Variants in CPSF6 observed in about 807,000 individuals in gnomAD.
CPSF6 encodes the protein cleavage and polyadenylation specificity factor subunit 6.
In CPSF6, 10 loss-of-function variants were observed where a neutral mutation model predicts 56.7. The ratio of observed to expected loss-of-function variants is 0.18; its 90% confidence interval spans 0.11 to 0.30. The LOEUF (loss-of-function observed/expected upper bound fraction) is 0.30. Among genes scored for constraint, CPSF6 ranks in the 10% least tolerant of loss-of-function variants. The probability of loss-of-function intolerance (pLI) is 1.00; values close to 1 mark genes in which losing one functional copy is unlikely to be tolerated. For missense variants in CPSF6, 419 were observed against 722.9 expected, an observed-to-expected ratio of 0.58 and a Z score of 4.82; for synonymous variants, 248 against 244.8, an observed-to-expected ratio of 1.01 and a Z score of -0.12.
Position 69,271,059 on chromosome 12 carries a change from C to A in CPSF6, c.*1551C>A, listed in dbSNP as rs1873216633. 6.6e-6 allele frequency: 1 copy of A among 151,952 alleles called. No individual in the cohort carries two copies. Among genetic ancestry groups the A allele is most frequent in the East Asian group, 1.9e-4 (1 of 5,198 alleles). The allele number at this position is 151,952 out of a possible 1,614,324, so 9.4% of individuals were successfully genotyped here. A position where few individuals can be genotyped will look rare whatever the true frequency, so the allele number is the denominator to read the frequency against. On this transcript the variant is annotated 3_prime_UTR_variant, in exon 10 of 10. Transcript: ENST00000435070. ...AATTTCCACTGCTGTTCTTCACTTTCATCTTGTCTGCTATCAAACCACTTC... is the reference window on the plus strand; with the variant it reads ...AATTTCCACTGCTGTTCTTCACTTTAATCTTGTCTGCTATCAAACCACTTC...
Position 69,253,168 on chromosome 12 carries a change from TTC to T in CPSF6, c.374+16_374+17del. On this transcript the variant is annotated intron_variant, in intron 3 of 9. Transcript: ENST00000435070. ...CCAGTCAAAGGGGTAAGTTTTTTTT[TTC>T]TTTCTTTTTGATTTAGTAGCTAGTG... 1.5e-6 allele frequency: 2 copies of T among 1,375,348 alleles called. No homozygotes were observed. The highest frequency in any genetic ancestry group is 2.0e-6 in the Non-Finnish European group (2 of 987,496). The allele number at this position is 1,375,348 out of a possible 1,614,324, so 85.2% of individuals were successfully genotyped here. A position where few individuals can be genotyped will look rare whatever the true frequency, so the allele number is the denominator to read the frequency against.
At position 69,269,905 on chromosome 12, in the gene CPSF6, A is replaced by G. The variant is rs560885805; in HGVS notation, c.*397A>G. The G allele has an allele frequency of 3.6e-5, 6 of 168,374 alleles. No individual in the cohort carries two copies. The highest frequency in any genetic ancestry group is 5.1e-5 in the Non-Finnish European group (4 of 77,704). 10.4% of individuals were successfully genotyped at this position (168,374 alleles called of 1,614,324 possible). On this transcript the variant is annotated 3_prime_UTR_variant, in exon 10 of 10. Coordinates refer to ENST00000435070, the MANE Select transcript of CPSF6 (RefSeq NM_007007.3). ...TGTAAACAGCATCACTTTGATTACA[A>G]TAGATGTAGTGTTGTAATAAACTGT...
intron 1 of CPSF6, among the ~76,000 whole-genome samples, chr12:69,246,129 T>C (rs1196891909): frequency 6.6e-6 from 1 of 152,108 alleles, no homozygotes; most frequent in Non-Finnish European, 1.5e-5. Flanking sequence ...TGGAGGTGTA[T>C]AGAGGCAGTA....
intron 9 of CPSF6, among the ~76,000 whole-genome samples, chr12:69,263,233 A>G (rs1372875392): frequency 2.6e-5 from 4 of 152,070 alleles, no homozygotes; most frequent in Non-Finnish European, 5.9e-5. Flanking sequence ...ATATCTAAAA[A>G]TTTTAAATTG....
chr12:69,249,828 TTC>T (rs1872139318), intron 1 of CPSF6, among the ~76,000 whole-genome samples: 1 of 152,248 alleles, frequency 6.6e-6, no homozygotes, highest in African/African-American at 2.4e-5. Context: ...CTGCTCCTGT[TTC>T]TGTTTCATTT....
At chr12:69,260,564 C>T (rs768948331) in intron 8 of CPSF6, among the ~76,000 whole-genome samples, 66 of 152,148 alleles carry the variant, frequency 4.3e-4, no homozygotes, top group Non-Finnish European at 1.2e-4. Flanking sequence ...CTGCTGGGAG[C>T]AGTTTTCCCT....
At chr12:69,262,137 T>C (rs1872768119) in intron 8 of CPSF6, among the ~76,000 whole-genome samples, 1 of 152,210 alleles carries the variant, frequency 6.6e-6, no homozygotes, top group Non-Finnish European at 1.5e-5. Flanking sequence ...GATGATGTGA[T>C]GCATTTCTGT....
Position 69,259,052 on chromosome 12 carries a change from G to A in CPSF6, c.1157G>A (p.Arg386Gln). 1.2e-6 allele frequency: 2 copies of A among 1,604,524 alleles called. No homozygotes were observed. The highest frequency in any genetic ancestry group is 1.7e-6 in the Non-Finnish European group (2 of 1,179,948). The change falls in exon 6 of 10, where the codon CGA (arginine) becomes CAA (glutamine). Residue 386 changes from arginine to glutamine, a missense_variant. By Grantham distance (43) the Arg-to-Gln change is conservative (BLOSUM62 1). Coordinates refer to ENST00000435070, the MANE Select transcript of CPSF6 (RefSeq NM_007007.3). ...CCACCACCAACAGATCCATATGGGC[G>A]ACCTCCACCATATGATAGGGGTGAC... ...RGPPPTDPYG[R>Q]PPPYDRGDYG...
chr12:69,259,098 A>C lies in CPSF6; in HGVS notation c.1199+4A>C, dbSNP rs1872635568. On this transcript the variant is annotated splice_donor_region_variant and intron_variant, in intron 6 of 9. Coordinates refer to ENST00000435070, the MANE Select transcript of CPSF6 (RefSeq NM_007007.3). Reference sequence around the variant, plus strand: ...GTGACTATGGCCCCCCTGGAAGGTAAGTTAGTGTGTATCTGTGAAAGTACT... The same window carrying C: ...GTGACTATGGCCCCCCTGGAAGGTACGTTAGTGTGTATCTGTGAAAGTACT... The C allele has an allele frequency of 6.3e-7, 1 of 1,596,386 alleles. No individual in the cohort carries two copies. The highest frequency in any genetic ancestry group is 8.5e-7 in the Non-Finnish European group (1 of 1,177,338).
intron 3 of CPSF6, chr12:69,255,027 C>A (rs894657019): frequency 8.5e-5 from 13 of 152,216 alleles, no homozygotes; most frequent in African/African-American, 2.9e-4. Flanking sequence ...CAAGAAGGAA[C>A]CTTGTACCTG....
chr12:69,265,486 G>A (rs1249320862), intron 9 of CPSF6, among the ~76,000 whole-genome samples: 6 of 151,410 alleles, frequency 4.0e-5, no homozygotes, highest in African/African-American at 1.5e-4. Context: ...CTTTATTCAG[G>A]CTTTTCCTCT....
At chr12:69,254,070 C>T (rs979023850) in intron 3 of CPSF6, among the ~76,000 whole-genome samples, 1 of 152,140 alleles carries the variant, frequency 6.6e-6, no homozygotes, top group Non-Finnish European at 1.5e-5. Context: ...ACTAACTTTA[C>T]TTATACCACT....
chr12:69,258,126 A>G lies in CPSF6; in HGVS notation c.694+221A>G. On this transcript the variant is annotated intron_variant, in intron 5 of 9. Transcript: ENST00000435070. The surrounding 1 kb of genome is among the most constrained non-coding windows in gnomAD (Gnocchi z 4.2). The stretch of plus-strand genomic sequence containing the variant: ...ATATGGGGCACAGCATAGAGGAAAT[A>G]CCCATTTTTGGCCTAAAAGGTCTTT... The G allele has an allele frequency of 6.5e-7, 1 of 1,534,426 alleles. No homozygotes were observed. Among genetic ancestry groups the G allele is most frequent in the African/African-American group, 1.4e-5 (1 of 73,104 alleles).
intron 9 of CPSF6, among the ~76,000 whole-genome samples, chr12:69,266,300 T>C (rs1206734176): frequency 6.6e-6 from 1 of 152,198 alleles, no homozygotes; most frequent in Non-Finnish European, 1.5e-5. Flanking sequence ...TTCATTGCTT[T>C]AGCTCTGATT....
At chr12:69,265,372 G>A (rs1475140826) in intron 9 of CPSF6, among the ~76,000 whole-genome samples, 2 of 152,160 alleles carry the variant, frequency 1.3e-5, no homozygotes, top group African/African-American at 4.8e-5. Context: ...AAAAGGTTAC[G>A]TTCCTCTTGT....
Position 69,272,941 on chromosome 12 carries a change from T to A in CPSF6, c.*3433T>A, listed in dbSNP as rs1592817639. 1 of 216,364 alleles carries A rather than the reference T, an allele frequency of 4.6e-6. No homozygotes were observed. The highest frequency in any genetic ancestry group is 1.2e-4 in the East Asian group (1 of 8,426). 13.4% of individuals were successfully genotyped at this position (216,364 alleles called of 1,614,324 possible). On this transcript the variant is annotated 3_prime_UTR_variant, in exon 10 of 10. Transcript: ENST00000435070. ...AACTTCAGTTTAAACACTGGTGTAT[T>A]TATTTTTTTAAGCAACTTGACTCTT... is the stretch of plus-strand genomic sequence containing the variant.
chr12:69,251,250 GTGA>G lies in CPSF6; in HGVS notation c.188_190del (p.Asp63del). The G allele has an allele frequency of 6.2e-7, 1 of 1,613,066 alleles. No homozygotes were observed. Among genetic ancestry groups the G allele is most frequent in the Non-Finnish European group, 8.5e-7 (1 of 1,179,864 alleles). ...ATGGATACTCTCCCACCAACTGTTG[GTGA>G]TGATGTGGGTAAAGGAGCAGCACCA... On this transcript the variant is annotated inframe_deletion, in exon 2 of 10. Coordinates refer to ENST00000435070, the MANE Select transcript of CPSF6 (RefSeq NM_007007.3).
At chr12:69,251,536 G>A (rs1403519483) in intron 2 of CPSF6, among the ~76,000 whole-genome samples, 198 bp downstream of exon 2, 1 of 151,906 alleles carries the variant, frequency 6.6e-6, no homozygotes, top group Admixed American at 6.6e-5. Context: ...GAGTTTTGTG[G>A]TCATTCAACT....
At chr12:69,261,513 T>C (rs1872739613) in intron 8 of CPSF6, among the ~76,000 whole-genome samples, 1 of 152,142 alleles carries the variant, frequency 6.6e-6, no homozygotes, top group African/African-American at 2.4e-5. Flanking sequence ...TGAAATGAAC[T>C]GTGATCATGT....
Sources: gnomAD v4.1 joint callset for allele counts (sites outside exome capture counted in the v4.1 genomes callset) on GRCh38, gnomAD v4.1.1 for gene constraint, Gnocchi (gnomAD v3.1) non-coding constraint, MANE v1.5 for transcripts, NCBI Gene and HGNC (gene_info 2026-07-23, HGNC 2026-07-21) for gene names.